Variants in RNF180 observed in about 807,000 individuals in gnomAD.
The protein encoded by RNF180 is E3 ubiquitin-protein ligase RNF180.
In RNF180, 38 loss-of-function variants were observed where a neutral mutation model predicts 59.2. That is an observed-to-expected ratio of 0.64 (90% CI 0.50 to 0.84). The LOEUF (loss-of-function observed/expected upper bound fraction) is 0.84, where lower values mean the gene tolerates loss of function less well. Ranked by LOEUF, RNF180 falls within the 40% of genes least tolerant of loss-of-function variation. The pLI is 0.00. For synonymous variants in RNF180, 262 were observed against 240.3 expected, an observed-to-expected ratio of 1.09 and a Z score of -0.84; for missense variants, 705 against 700.9, an observed-to-expected ratio of 1.01 and a Z score of -0.07.
intron 2 of RNF180, among the ~76,000 whole-genome samples, chr5:64,210,844 A>G (rs1434419836): frequency 1.3e-5 from 2 of 152,130 alleles, no homozygotes; most frequent in Non-Finnish European, 2.9e-5. Flanking sequence ...AGATCAATAC[A>G]CTGAGATAGC....
intron 7 of RNF180, among the ~76,000 whole-genome samples, chr5:64,360,088 T>C (rs1276288410): frequency 6.6e-6 from 1 of 152,008 alleles, no homozygotes; most frequent in Non-Finnish European, 1.5e-5. Flanking sequence ...AGCTTTGTTC[T>C]ATTGGCTTAG....
intron 4 of RNF180, among the ~76,000 whole-genome samples, chr5:64,215,632 T>C (rs992048645): frequency 2.6e-5 from 4 of 152,154 alleles, no homozygotes; most frequent in African/African-American, 9.7e-5. Flanking sequence ...TTTAGCATCA[T>C]TATAACATAC....
intron 5 of RNF180, among the ~76,000 whole-genome samples, chr5:64,246,535 C>T (rs1026649481): frequency 6.6e-6 from 1 of 152,192 alleles, no homozygotes; most frequent in Admixed American, 6.5e-5. Flanking sequence ...TTCCTGGACA[C>T]ATACACCCTC....
At chr5:64,228,394 G>A (rs1487737612) in intron 5 of RNF180, among the ~76,000 whole-genome samples, 4 of 152,098 alleles carry the variant, frequency 2.6e-5, no homozygotes, top group Non-Finnish European at 5.9e-5. Flanking sequence ...CAAGCCTATA[G>A]TCCCAGCTAC....
intron 4 of RNF180, 97 bp downstream of exon 4, chr5:64,214,614 G>T (rs924689200): frequency 7.2e-6 from 8 of 1,106,894 alleles, no homozygotes; most frequent in African/African-American, 1.6e-5. Context: ...ATAAAAACTT[G>T]GTTTTAGTAA....
At chr5:64,186,279 A>G (rs1262805866) in intron 1 of RNF180, among the ~76,000 whole-genome samples, 1 of 152,150 alleles carries the variant, frequency 6.6e-6, no homozygotes, top group Non-Finnish European at 1.5e-5. Flanking sequence ...TAGTAAGAGT[A>G]TGGCAAATCA....
intron 7 of RNF180, among the ~76,000 whole-genome samples, chr5:64,355,833 G>T (rs1218907964): frequency 6.6e-6 from 1 of 151,872 alleles, no homozygotes; most frequent in African/African-American, 2.4e-5. Flanking sequence ...TAGGATAGCT[G>T]ATTTACATAT....
intron 5 of RNF180, among the ~76,000 whole-genome samples, chr5:64,281,640 A>G (rs1742014495): frequency 6.6e-6 from 1 of 152,068 alleles, no homozygotes; most frequent in Non-Finnish European, 1.5e-5. Flanking sequence ...CTGGGATTAC[A>G]GGTATGCGCC....
At chr5:64,266,957 T>G (rs749625945) in intron 5 of RNF180, among the ~76,000 whole-genome samples, 1 of 152,130 alleles carries the variant, frequency 6.6e-6, no homozygotes. Flanking sequence ...CTTGAACTAT[T>G]TGTTGCTTGG....
chr5:64,315,910 A>G (rs938390253), intron 5 of RNF180, among the ~76,000 whole-genome samples: 2 of 152,156 alleles, frequency 1.3e-5, no homozygotes, highest in Non-Finnish European at 2.9e-5. Flanking sequence ...CTTAATAGCA[A>G]TGAGCTTTTC....
At chr5:64,204,751 C>T (rs1007979790) in intron 2 of RNF180, among the ~76,000 whole-genome samples, 3 of 151,860 alleles carry the variant, frequency 2.0e-5, no homozygotes, top group African/African-American at 7.3e-5. Context: ...AATGTTTTTT[C>T]CTCTCCTTCT....
chr5:64,285,331 G>A (rs1172656235), intron 5 of RNF180, among the ~76,000 whole-genome samples: 3 of 152,202 alleles, frequency 2.0e-5, no homozygotes, highest in African/African-American at 7.2e-5. Context: ...GCAGCAGCAG[G>A]TTGTATACAT....
chr5:64,225,712 C>A (rs1741687187), intron 5 of RNF180, among the ~76,000 whole-genome samples: 1 of 128,468 alleles, frequency 7.8e-6, no homozygotes, highest in Non-Finnish European at 1.6e-5. Flanking sequence ...GCCTGGCCGC[C>A]CCGTCTGGGA....
chr5:64,369,544 C>A, intron 7 of RNF180, 71 bp from the exon 8 acceptor site: 2 of 926,506 alleles, frequency 2.2e-6, no homozygotes, highest in Non-Finnish European at 3.0e-6. Flanking sequence ...TTTAACTGTA[C>A]TTGTGTACAG....
chr5:64,212,079 A>C lies in RNF180; in HGVS notation c.150A>C (p.Ser50=), dbSNP rs557953854. Residue 50 remains serine, a synonymous_variant, in exon 3 of 8, where the codon TCA becomes TCC. Transcript: ENST00000389100. ...TTATTTAACAGGATAAAGATGATTC[A>C]GTTGATGCTCAAAATATTTGTCATG... ...ENQVIKDKDD[S]VDAQNICHVW... is the part of the protein sequence containing the mutation. 2 of 1,586,048 alleles carry C rather than the reference A, an allele frequency of 1.3e-6. No individual in the cohort carries two copies. Among genetic ancestry groups the C allele is most frequent in the East Asian group, 4.5e-5 (2 of 44,668 alleles).
At chr5:64,357,723 A>C (rs1358896554) in intron 7 of RNF180, among the ~76,000 whole-genome samples, 1 of 151,834 alleles carries the variant, frequency 6.6e-6, no homozygotes, top group Admixed American at 6.6e-5. Flanking sequence ...TAGTTTTTCT[A>C]TCTCTGAAAC....
intron 5 of RNF180, among the ~76,000 whole-genome samples, chr5:64,253,897 T>C (rs1020858529): frequency 1.2e-4 from 19 of 152,076 alleles, no homozygotes; most frequent in Admixed American, 3.9e-4. Context: ...TTTTAGAACA[T>C]TATCTTGCAT....
intron 5 of RNF180, among the ~76,000 whole-genome samples, chr5:64,246,265 T>A (rs1580100331): frequency 6.6e-6 from 1 of 151,962 alleles, no homozygotes; most frequent in Non-Finnish European, 1.5e-5. Flanking sequence ...TAACTAAGAT[T>A]AGAGCAGAAT....
chr5:64,291,019 C>G (rs1742554287), intron 5 of RNF180, among the ~76,000 whole-genome samples: 1 of 152,200 alleles, frequency 6.6e-6, no homozygotes, highest in African/African-American at 2.4e-5. Flanking sequence ...TCTTGCAAGG[C>G]AGGCCTGGTG....
Sources: allele counts gnomAD v4.1 joint callset (sites outside exome capture counted in the v4.1 genomes callset), GRCh38; gene constraint gnomAD v4.1.1; transcripts MANE v1.5; gene names NCBI Gene and HGNC (gene_info 2026-07-23, HGNC 2026-07-21).